The following CDH10 variants were observed in gnomAD, a reference collection of about 807,000 sequenced individuals.
The protein encoded by CDH10 is cadherin-10.
In CDH10, 30 loss-of-function variants were observed where a neutral mutation model predicts 73.1. The ratio of observed to expected loss-of-function variants is 0.41; its 90% CI spans 0.31 to 0.56. CDH10 has a LOEUF of 0.56. Ranked by LOEUF, CDH10 falls within the 20% of genes least tolerant of loss-of-function variation. The pLI, the probability that CDH10 is intolerant of heterozygous loss-of-function variation, is 0.27. For synonymous variants in CDH10, 345 were observed against 348.2 expected, an observed-to-expected ratio of 0.99 and a Z score of 0.10; for missense variants, 815 against 973.7, an observed-to-expected ratio of 0.84 and a Z score of 2.17.
intron 10 of CDH10, among the ~76,000 whole-genome samples, chr5:24,492,340 G>C (rs896650382): frequency 8.5e-5 from 13 of 152,186 alleles, no homozygotes; most frequent in Non-Finnish European, 1.5e-4. Flanking sequence ...TAACCTTCAA[G>C]AGGCATGCAT....
intron 2 of CDH10, among the ~76,000 whole-genome samples, chr5:24,558,195 T>C (rs983813582): frequency 1.7e-5 from 1 of 57,928 alleles, no homozygotes; most frequent in Admixed American, 1.6e-4. Context: ...TGAGAATTAT[T>C]TGTGTTTGGG....
intron 1 of CDH10, among the ~76,000 whole-genome samples, chr5:24,607,552 A>C (rs929976526): frequency 6.6e-6 from 1 of 152,230 alleles, no homozygotes; most frequent in African/African-American, 2.4e-5. Flanking sequence ...CGCTAAGCTT[A>C]CAACAATCCC....
intron 1 of CDH10, among the ~76,000 whole-genome samples, chr5:24,600,837 G>A (rs1486004328): frequency 6.6e-6 from 1 of 152,110 alleles, no homozygotes; most frequent in African/African-American, 2.4e-5. Context: ...ACACTTCTAA[G>A]GTGACTAAGT....
intron 2 of CDH10, among the ~76,000 whole-genome samples, chr5:24,581,265 T>C (rs1745787459): frequency 6.6e-6 from 1 of 152,280 alleles, no homozygotes; most frequent in East Asian, 1.9e-4. Flanking sequence ...CCTCTCAATT[T>C]TAAAGCATTT....
intron 2 of CDH10, among the ~76,000 whole-genome samples, chr5:24,586,862 T>TTTTTTTTA (rs61056495): frequency 6.9e-6 from 1 of 144,122 alleles, no homozygotes; most frequent in African/African-American, 2.6e-5. Context: ...TTTTTTTTTT[T>TTTTTTTTA]GAGCCGGAGT....
intron 1 of CDH10, among the ~76,000 whole-genome samples, chr5:24,621,719 T>C (rs1505878): frequency 0.054 from 8,251 of 152,280 alleles, 291 homozygotes; most frequent in South Asian, 0.17. Context: ...CTCATCTATA[T>C]AGATAGATGG....
At chr5:24,559,296 A>G (rs1744873313) in intron 2 of CDH10, among the ~76,000 whole-genome samples, 1 of 152,006 alleles carries the variant, frequency 6.6e-6, no homozygotes, top group Admixed American at 6.6e-5. Context: ...GCAATAAATA[A>G]GCCCTTGTTG....
At chr5:24,502,146 T>A (rs1204495630) in intron 8 of CDH10, among the ~76,000 whole-genome samples, 4 of 152,074 alleles carry the variant, frequency 2.6e-5, no homozygotes, top group Non-Finnish European at 5.9e-5. Flanking sequence ...ATGGTCTCGA[T>A]CACCTGACCT....
chr5:24,506,460 A>C (rs1464975217), intron 7 of CDH10, among the ~76,000 whole-genome samples: 1 of 152,210 alleles, frequency 6.6e-6, no homozygotes, highest in Non-Finnish European at 1.5e-5. Flanking sequence ...GTAGCCTCTC[A>C]TGATGATGTA....
At chr5:24,564,555 C>A (rs753412629) in intron 2 of CDH10, among the ~76,000 whole-genome samples, 1 of 152,138 alleles carries the variant, frequency 6.6e-6, no homozygotes, top group Non-Finnish European at 1.5e-5. Flanking sequence ...TCTGCCCCTA[C>A]AGGGGTTGTT....
rs1485695547 is a variant in CDH10, at chr5:24,638,359, A to C, written c.-124+6235T>G. On this transcript the variant is annotated intron_variant, in intron 1 of 11. Transcript: ENST00000264463. ...TCTCATTTATCATTTTTAATTGCAT[A>C]CAGCAAGAAGGGGGGGAAGTCACTT... 4.0e-5 allele frequency among the ~76,000 whole-genome samples: 6 copies of C among 151,738 alleles called. No homozygotes were observed. In the Admixed American group the frequency reaches 4.0e-4, roughly 10 times the overall value.
At chr5:24,544,909 G>C (rs1037930132) in intron 2 of CDH10, among the ~76,000 whole-genome samples, 1 of 152,086 alleles carries the variant, frequency 6.6e-6, no homozygotes. Context: ...ATTTATTTCA[G>C]AAACACACTT....
chr5:24,601,382 A>G (rs1398162899), intron 1 of CDH10, among the ~76,000 whole-genome samples: 2 of 152,130 alleles, frequency 1.3e-5, no homozygotes, highest in South Asian at 2.1e-4. Context: ...TTCCCTTTAC[A>G]CTGTTCTGAA....
At chr5:24,555,234 G>A (rs768955917) in intron 2 of CDH10, among the ~76,000 whole-genome samples, 4 of 152,070 alleles carry the variant, frequency 2.6e-5, no homozygotes, top group Non-Finnish European at 4.4e-5. Context: ...TAAAGTATCA[G>A]TGACATTTTA....
chr5:24,501,783 G>A (rs540686680), intron 8 of CDH10, among the ~76,000 whole-genome samples: 2 of 152,286 alleles, frequency 1.3e-5, no homozygotes, highest in African/African-American at 2.4e-5. Flanking sequence ...TCCACAGAAT[G>A]TATTGCAATG....
intron 3 of CDH10, among the ~76,000 whole-genome samples, chr5:24,536,187 T>C (rs1322302180): frequency 6.6e-6 from 1 of 152,080 alleles, no homozygotes; most frequent in Non-Finnish European, 1.5e-5. Flanking sequence ...AAGTATGTTC[T>C]TCTTCCCCCT....
chr5:24,637,041 A>C (rs2112211003), intron 1 of CDH10, among the ~76,000 whole-genome samples: 1 of 152,186 alleles, frequency 6.6e-6, no homozygotes, highest in Admixed American at 6.6e-5. Context: ...TGCAGCTTTA[A>C]AAATATAGAT....
chr5:24,548,758 C>T (rs1221164178), intron 2 of CDH10, among the ~76,000 whole-genome samples: 1 of 152,092 alleles, frequency 6.6e-6, no homozygotes, highest in Non-Finnish European at 1.5e-5. Flanking sequence ...GTAAAAAATA[C>T]CTCACTCTGG....
At chr5:24,538,722 C>T (rs187232868) in intron 2 of CDH10, among the ~76,000 whole-genome samples, 69 of 152,108 alleles carry the variant, frequency 4.5e-4, no homozygotes, top group Middle Eastern at 3.4e-3. Flanking sequence ...AAGCAAGCTC[C>T]GGAATGTTTG....
Sources: gnomAD v4.1 joint callset for allele counts (sites outside exome capture counted in the v4.1 genomes callset) on GRCh38, gnomAD v4.1.1 for gene constraint, MANE v1.5 for transcripts, NCBI Gene and HGNC (gene_info 2026-07-23, HGNC 2026-07-21) for gene names.